Variants in EPS8 observed in about 807,000 individuals in gnomAD.
The protein encoded by EPS8 is epidermal growth factor receptor kinase substrate 8.
Under a neutral mutation model 103.8 loss-of-function variants are expected in EPS8, and 42 were observed. The ratio of observed to expected loss-of-function variants is 0.40; its 90% confidence interval spans 0.32 to 0.52. EPS8 has a LOEUF of 0.52. Among genes scored for constraint, EPS8 ranks in the 20% least tolerant of loss-of-function variants. The pLI, the probability that EPS8 is intolerant of heterozygous loss-of-function variation, is 0.40. For synonymous variants in EPS8, 344 were observed against 344.6 expected (o/e 1.00, Z 0.02); for missense variants, 969 against 1,005.1 (o/e 0.96, Z 0.49).
chr12:15,742,907 G>A (rs1591913308), intron 1 of EPS8, among the ~76,000 whole-genome samples: 1 of 152,242 alleles, frequency 6.6e-6, no homozygotes, highest in African/African-American at 2.4e-5. Context: ...GAAAGTTCTG[G>A]CCAGGGCAAT....
chr12:15,708,578 T>C (rs181153072), intron 1 of EPS8, among the ~76,000 whole-genome samples: 2 of 152,310 alleles, frequency 1.3e-5, no homozygotes, highest in Admixed American at 1.3e-4. Context: ...CATGTACACT[T>C]TGTGTAGCCT....
intron 13 of EPS8, 87 bp from the exon 14 acceptor site, chr12:15,651,093 C>T: frequency 5.1e-6 from 5 of 973,148 alleles, no homozygotes; most frequent in South Asian, 4.9e-5. Flanking sequence ...TAGACATACA[C>T]ACGCACACAC....
Position 15,670,867 on chromosome 12 carries a change from A to G in EPS8, c.193T>C (p.Tyr65His). 1 of 1,608,902 alleles carries G rather than the reference A, an allele frequency of 6.2e-7. No individual in the cohort carries two copies. The highest frequency in any genetic ancestry group is 8.5e-7 in the Non-Finnish European group (1 of 1,175,772). ...SVSSVSDISQYRVEHLTTFVL... is the reference protein window; with the variant it reads ...SVSSVSDISQHRVEHLTTFVL... ...CCAAAGCATCTTACTTCAACACGGT[A>G]TTGAGATATATCTGACACACTGCTG... The change falls in exon 4 of 21, where the codon TAC becomes CAC. Residue 65 changes from tyrosine to histidine, a missense_variant. By Grantham distance (83) the Tyr-to-His change is moderately conservative. Transcript: ENST00000281172.
At chr12:15,786,537 A>G (rs981929535) in intron 1 of EPS8, among the ~76,000 whole-genome samples, 22 of 152,110 alleles carry the variant, frequency 1.4e-4, no homozygotes, top group African/African-American at 5.3e-4. Context: ...TAATGTACTG[A>G]TACTGGTTCA....
At chr12:15,647,074 T>C in intron 15 of EPS8, 53 bp downstream of exon 15, 2 of 1,546,856 alleles carry the variant, frequency 1.3e-6, no homozygotes, top group Non-Finnish European at 1.8e-6. Context: ...CTGTTAGCAC[T>C]AGATCAGAGA....
intron 17 of EPS8, among the ~76,000 whole-genome samples, chr12:15,636,347 C>A (rs1945133771): frequency 6.6e-6 from 1 of 152,130 alleles, no homozygotes; most frequent in African/African-American, 2.4e-5. Context: ...GTGTCAATAT[C>A]TTTTGTAAAT....
Position 15,650,806 on chromosome 12 carries a change from G to T in EPS8, c.1434+17C>A, listed in dbSNP as rs756830631. On this transcript the variant is annotated intron_variant, in intron 14 of 20. Transcript: ENST00000281172. ...AATTACACTGTCTACAGAGGGCAAT[G>T]TTAAAAAAAAAACTACCTCTGTGGA... 9 of 1,596,884 alleles carry T rather than the reference G, an allele frequency of 5.6e-6. No homozygotes were observed. The Admixed American group carries it at 1.5e-4, about 27-fold the overall frequency.
At chr12:15,663,974 T>TAC (rs1198082133) in intron 8 of EPS8, among the ~76,000 whole-genome samples, 6 of 58,646 alleles carry the variant, frequency 1.0e-4, no homozygotes, top group Non-Finnish European at 1.7e-4. Context: ...TATATATATA[T>TAC]ATACACACAC....
chr12:15,783,034 G>C (rs1947275657), intron 1 of EPS8, among the ~76,000 whole-genome samples: 1 of 152,124 alleles, frequency 6.6e-6, no homozygotes, highest in African/African-American at 2.4e-5. Flanking sequence ...TGCCAGAAAT[G>C]CTCCCAAGAA....
chr12:15,740,079 G>GA (rs1242831480), intron 1 of EPS8, among the ~76,000 whole-genome samples: 1 of 151,568 alleles, frequency 6.6e-6, no homozygotes, highest in Non-Finnish European at 1.5e-5. Context: ...CATGCTCAAA[G>GA]AAAAAATCGG....
At chr12:15,705,482 T>C (rs1212931675) in intron 1 of EPS8, among the ~76,000 whole-genome samples, 1 of 152,118 alleles carries the variant, frequency 6.6e-6, no homozygotes, top group Non-Finnish European at 1.5e-5. Context: ...CTCCAAGGGG[T>C]TTAAAAAAAA....
chr12:15,712,967 G>T (rs1946486753), intron 1 of EPS8: 13 of 985,370 alleles, frequency 1.3e-5, no homozygotes, highest in Non-Finnish European at 1.6e-5. Flanking sequence ...GAAAGGGTGG[G>T]ACTCTAAGCG....
rs754690280 is a variant in EPS8, at chr12:15,769,827, A to G, written c.-22+19334T>C. Among the ~76,000 whole-genome samples, 7 of 152,122 alleles carry G rather than the reference A, an allele frequency of 4.6e-5. No homozygotes were observed. The highest frequency in any genetic ancestry group is 7.4e-5 in the Non-Finnish European group (5 of 68,012). On this transcript the variant is annotated intron_variant, in intron 1 of 20. Coordinates refer to ENST00000281172, the MANE Select transcript of EPS8 (RefSeq NM_004447.6). This position sits in a 1 kb window ranked among gnomAD's most constrained non-coding sequence, Gnocchi z 4.6. ...AACTTTCTGACCAAAGTCATGTTTT[A>G]TTATTTCTCAGATGTATTCTGCAGT...
chr12:15,644,994 C>T (rs1416604463), intron 15 of EPS8, among the ~76,000 whole-genome samples: 3 of 152,100 alleles, frequency 2.0e-5, no homozygotes, highest in Non-Finnish European at 4.4e-5. Flanking sequence ...ATAAAATCTA[C>T]CCACCACTCA....
intron 1 of EPS8, among the ~76,000 whole-genome samples, chr12:15,715,529 T>C (rs2135967434): frequency 6.6e-6 from 1 of 151,726 alleles, no homozygotes; most frequent in South Asian, 2.1e-4. Flanking sequence ...GGACTACTGG[T>C]GTGCGCCACT....
chr12:15,761,614 A>G lies in EPS8; in HGVS notation c.-22+27547T>C, dbSNP rs1947042502. On this transcript the variant is annotated intron_variant, in intron 1 of 20. Coordinates refer to ENST00000281172, the MANE Select transcript of EPS8 (RefSeq NM_004447.6). The surrounding 1 kb of genome is among the most constrained non-coding windows in gnomAD (Gnocchi z 4.5). ...ATAGACCAATAGAAAAGAATAGAGAACCCAGAAACAAATCCACACATCTAC... is the reference window on the plus strand; with the variant it reads ...ATAGACCAATAGAAAAGAATAGAGAGCCCAGAAACAAATCCACACATCTAC... Among the ~76,000 whole-genome samples, 1 of 152,082 alleles carries G rather than the reference A, an allele frequency of 6.6e-6. No homozygotes were observed.
rs1945464424 is a variant in EPS8 at position 15,654,079 on chromosome 12, G to T, written c.1250+66C>A. The T allele has an allele frequency of 7.6e-6, 11 of 1,439,692 alleles. No individual in the cohort carries two copies. The South Asian group carries it at 1.3e-4, about 17-fold the overall frequency. The allele number at this position is 1,439,692 out of a possible 1,614,324, so 89.2% of individuals were successfully genotyped here. ...TTCGTATGTAGAAGGTTAAATAAAT[G>T]TCTCATTAGATCCATGTAATTAACA... is the stretch of plus-strand genomic sequence containing the variant. On this transcript the variant is annotated intron_variant, in intron 13 of 20. Coordinates refer to ENST00000281172, the MANE Select transcript of EPS8 (RefSeq NM_004447.6).
At chr12:15,689,714 G>T (rs1050022036) in intron 1 of EPS8, among the ~76,000 whole-genome samples, 1 of 152,186 alleles carries the variant, frequency 6.6e-6, no homozygotes, top group Admixed American at 6.5e-5. Context: ...TCACTGTGCT[G>T]TGCAATTGGT....
At chr12:15,675,862 T>C (rs1027819525) in intron 3 of EPS8, among the ~76,000 whole-genome samples, 2 of 152,234 alleles carry the variant, frequency 1.3e-5, no homozygotes, top group Non-Finnish European at 2.9e-5. Context: ...GTCTATCTAT[T>C]CAGAACATAG....
Sources: allele counts gnomAD v4.1 joint callset (sites outside exome capture counted in the v4.1 genomes callset), GRCh38; gene constraint gnomAD v4.1.1; non-coding constraint Gnocchi (gnomAD v3.1); transcripts MANE v1.5; gene names NCBI Gene and HGNC (gene_info 2026-07-23, HGNC 2026-07-21).